The following UBR3 variants were observed in gnomAD, a reference collection of about 807,000 sequenced individuals.
UBR3 encodes the protein E3 ubiquitin-protein ligase UBR3.
A neutral mutation model predicts 243.2 loss-of-function variants in UBR3; 85 were observed. The observed-to-expected ratio is 0.35, with a 90% CI of 0.29 to 0.42. The LOEUF is 0.42. Ranked by LOEUF, UBR3 falls within the 10% of genes least tolerant of loss-of-function variation. UBR3 has a pLI of 1.00. For missense variants in UBR3, 1,686 were observed against 2,300.8 expected (o/e 0.73, Z 5.47); for synonymous variants, 748 against 799.8 (o/e 0.94, Z 1.09).
At chr2:170,024,136 C>T (rs553954799) in intron 30 of UBR3, among the ~76,000 whole-genome samples, 75 of 151,900 alleles carry the variant, frequency 4.9e-4, no homozygotes, top group Middle Eastern at 6.8e-3. Context: ...GGGCAGATTA[C>T]GAGGTCAGGA....
In UBR3 at chr2:170,083,156, T is replaced by C. The variant is rs1307479348; in HGVS notation, c.*1313T>C. On this transcript the variant is annotated 3_prime_UTR_variant, in exon 39 of 39. Transcript: ENST00000272793. The stretch of plus-strand genomic sequence containing the variant: ...AAAATTACATTTTTACATGTAAAAA[T>C]AAACTAAACAAATCTAATGATAAAA... 4 of 133,894 alleles carry C rather than the reference T, an allele frequency of 3.0e-5. No homozygotes were observed. Among genetic ancestry groups the C allele is most frequent in the Non-Finnish European group, 6.5e-5 (4 of 61,140 alleles). 8.3% of individuals were successfully genotyped at this position (133,894 alleles called of 1,614,324 possible).
At chr2:170,016,275 T>C (rs1020305706) in intron 30 of UBR3, among the ~76,000 whole-genome samples, 4 of 151,890 alleles carry the variant, frequency 2.6e-5, no homozygotes, top group Admixed American at 1.3e-4. Context: ...AGCAAACTTA[T>C]GTGAAATTTT....
chr2:169,895,674 G>A (rs1276525721), intron 7 of UBR3, among the ~76,000 whole-genome samples: 1 of 152,122 alleles, frequency 6.6e-6, no homozygotes, highest in Admixed American at 6.5e-5. Flanking sequence ...GTTTAATGGG[G>A]GCAATTGAAT....
chr2:169,839,116 C>CT (rs2082207969), intron 1 of UBR3, among the ~76,000 whole-genome samples: 1 of 152,168 alleles, frequency 6.6e-6, no homozygotes, highest in Non-Finnish European at 1.5e-5. Context: ...ATGGAATCAA[C>CT]TTAAATGCCC....
At chr2:169,984,091 T>A (rs1003924231) in intron 24 of UBR3, among the ~76,000 whole-genome samples, 1 of 152,214 alleles carries the variant, frequency 6.6e-6, no homozygotes, top group Admixed American at 6.5e-5. Context: ...CATTGTAATT[T>A]TTTCATTGCC....
At chr2:169,977,187 T>G (rs2105380950) in intron 24 of UBR3, among the ~76,000 whole-genome samples, 1 of 152,320 alleles carries the variant, frequency 6.6e-6, no homozygotes, top group East Asian at 1.9e-4. Context: ...TCCTTAAAAT[T>G]CGTCTTTTGA....
rs114753022 is a variant in UBR3, at chr2:169,994,366, G to C, written c.3828G>C (p.Pro1276=). The change falls in exon 26 of 39, where the codon CCG becomes CCC. Residue 1276 remains proline (P), a synonymous_variant. Transcript: ENST00000272793. ...ACAATGTTGAGCCAAAAAAGTTGCC[G>C]ATCAGTGAAGAGGAGCAGATTTACC... The part of the protein sequence containing the change: ...CRDNVEPKKL[P]ISEEEQIYPW... The C allele has an allele frequency of 6.2e-7, 1 of 1,613,948 alleles. No homozygotes were observed. The highest frequency in any genetic ancestry group is 1.3e-5 in the African/African-American group (1 of 74,880).
At chr2:169,927,008 G>A (rs1218579629) in intron 16 of UBR3, 37 bp downstream of exon 16, 4 of 1,531,170 alleles carry the variant, frequency 2.6e-6, no homozygotes, top group Non-Finnish European at 3.5e-6. Context: ...TGCATTAACT[G>A]TTTTCCTCCC....
intron 2 of UBR3, among the ~76,000 whole-genome samples, chr2:169,874,983 AGTT>A (rs910947494): frequency 7.5e-5 from 9 of 120,052 alleles, no homozygotes; most frequent in African/African-American, 2.3e-4. Context: ...ATTCTTTTTC[AGTT>A]GTTGTCCAAG....
intron 1 of UBR3, among the ~76,000 whole-genome samples, chr2:169,842,268 C>G (rs1032353646): frequency 1.1e-4 from 16 of 151,978 alleles, no homozygotes; most frequent in Non-Finnish European, 2.2e-4. Context: ...ACCTGTGTGT[C>G]GAAACTCTGT....
intron 8 of UBR3, among the ~76,000 whole-genome samples, chr2:169,901,926 C>T (rs2084837894): frequency 6.6e-6 from 1 of 152,170 alleles, no homozygotes; most frequent in Admixed American, 6.5e-5. Flanking sequence ...ACTGCCTTTC[C>T]TCCCTGCATA....
At chr2:169,948,527 C>T (rs952643569) in intron 22 of UBR3, among the ~76,000 whole-genome samples, 2 of 152,046 alleles carry the variant, frequency 1.3e-5, no homozygotes, top group African/African-American at 4.8e-5. Flanking sequence ...TTAGTCTCCA[C>T]AACCTAGATT....
rs182325830 is a variant in UBR3, at chr2:170,068,971, T to C, written c.5020-4457T>C. 3.3e-5 allele frequency among the ~76,000 whole-genome samples: 5 copies of C among 152,332 alleles called. No homozygotes were observed. In the East Asian group the frequency reaches 7.7e-4, roughly 23 times the overall value. The stretch of plus-strand genomic sequence containing the variant: ...AGAATTAATTTAGTTATCAAACTTA[T>C]ATAATTGTTATGCATCCAGAAAAGA... On this transcript the variant is annotated intron_variant, in intron 35 of 38. Transcript: ENST00000272793.
rs754000057 is a variant in UBR3 at position 169,932,977 on chromosome 2, G to A, written c.2632G>A (p.Val878Met). The change falls in exon 19 of 39, where the codon GTG (valine) becomes ATG (methionine). Residue 878 changes from valine to methionine, a missense_variant. Val to Met is a conservative substitution (Grantham distance 21). This residue lies in a region of UBR3 where 346 missense variants were observed against 585.8 expected (regional missense o/e 0.59). Coordinates refer to ENST00000272793, the MANE Select transcript of UBR3 (RefSeq NM_172070.4). ...TCTTCGAACAGTTTACCGTAGAGAT[G>A]TGCAGTCTGCAATGGACAGATATAC... Reference protein sequence around the residue: ...VILRTVYRRDVQSAMDRYTAF... With the variant: ...VILRTVYRRDMQSAMDRYTAF... 8.5e-6 allele frequency: 13 copies of A among 1,536,200 alleles called. No individual in the cohort carries two copies. The South Asian group carries it at 1.5e-4, about 18-fold the overall frequency.
intron 1 of UBR3, among the ~76,000 whole-genome samples, chr2:169,829,874 A>G (rs568819268): frequency 1.2e-4 from 18 of 151,690 alleles, no homozygotes; most frequent in African/African-American, 4.4e-4. Context: ...TCTCACATCT[A>G]GTCTTCTATC....
chr2:170,062,974 A>T (rs973657742), intron 35 of UBR3, among the ~76,000 whole-genome samples: 1 of 152,208 alleles, frequency 6.6e-6, no homozygotes, highest in African/African-American at 2.4e-5. Flanking sequence ...TGGATCTTGA[A>T]TTTCATATGA....
At chr2:169,840,796 A>C (rs961485783) in intron 1 of UBR3, among the ~76,000 whole-genome samples, 1 of 152,144 alleles carries the variant, frequency 6.6e-6, no homozygotes, top group Non-Finnish European at 1.5e-5. Flanking sequence ...ACATGTGGAC[A>C]CTGGGAAGGC....
rs781626608 is a variant in UBR3, at chr2:170,015,331, G to A, written c.4418G>A (p.Gly1473Asp). Residue 1473 changes from glycine (G) to aspartate (D), a missense_variant, in exon 30 of 39, where the codon GGT becomes GAT. By Grantham distance (94) the Gly-to-Asp change is moderately conservative. Coordinates refer to ENST00000272793, the MANE Select transcript of UBR3 (RefSeq NM_172070.4). ...LIHRGGNLCS[G>D]GASTAGKRSC... is the part of the protein sequence containing the mutation. Reference sequence around the variant, plus strand: ...CATCGAGGAGGCAATTTGTGTTCAGGTGGTGCAAGCACAGCTGGCAAAAGG... The same window carrying A: ...CATCGAGGAGGCAATTTGTGTTCAGATGGTGCAAGCACAGCTGGCAAAAGG... 4.3e-6 allele frequency: 7 copies of A among 1,611,772 alleles called. No homozygotes were observed. In the African/African-American group the frequency reaches 8.0e-5, roughly 18 times the overall value.
chr2:170,017,804 A>G (rs910489770), intron 30 of UBR3, among the ~76,000 whole-genome samples: 1 of 152,212 alleles, frequency 6.6e-6, no homozygotes, highest in East Asian at 1.9e-4. Flanking sequence ...AGTTACTCAA[A>G]TTAGCTCACA....
Sources: allele counts gnomAD v4.1 joint callset (sites outside exome capture counted in the v4.1 genomes callset), GRCh38; gene constraint gnomAD v4.1.1; regional missense constraint gnomAD v4.1.1; transcripts MANE v1.5; gene names NCBI Gene and HGNC (gene_info 2026-07-23, HGNC 2026-07-21).